UBE2E2: variants seen among roughly 807,000 people sequenced by gnomAD.
The protein encoded by UBE2E2 is ubiquitin-conjugating enzyme E2 E2.
Under a neutral mutation model 24.7 loss-of-function variants are expected in UBE2E2, and 6 were observed. The ratio of observed to expected loss-of-function variants is 0.24; its 90% CI spans 0.13 to 0.48. The LOEUF is 0.48. Among genes scored for constraint, UBE2E2 ranks in the 20% least tolerant of loss-of-function variants. The pLI is 0.99. For missense variants in UBE2E2, 169 were observed against 245.0 expected (o/e 0.69, Z 2.07); for synonymous variants, 104 against 83.6 (o/e 1.24, Z -1.33).
intron 5 of UBE2E2, among the ~76,000 whole-genome samples, chr3:23,552,974 A>G (rs1167332616): frequency 1.3e-5 from 2 of 152,210 alleles, no homozygotes; most frequent in Non-Finnish European, 2.9e-5. Context: ...TGTTAAGAAA[A>G]AAGTATTTTA....
intron 3 of UBE2E2, among the ~76,000 whole-genome samples, chr3:23,313,077 G>T (rs945010855): frequency 6.6e-6 from 1 of 151,944 alleles, no homozygotes; most frequent in Non-Finnish European, 1.5e-5. Flanking sequence ...GCAGCTGTTG[G>T]GTGAAATGTT....
At chr3:23,353,276 A>G (rs918497034) in intron 3 of UBE2E2, among the ~76,000 whole-genome samples, 1 of 152,056 alleles carries the variant, frequency 6.6e-6, no homozygotes, top group Admixed American at 6.6e-5. Context: ...CACAGCCAAT[A>G]TCATACTGAA....
intron 5 of UBE2E2, among the ~76,000 whole-genome samples, chr3:23,584,800 C>T (rs1013709977): frequency 2.7e-5 from 4 of 146,360 alleles, no homozygotes; most frequent in South Asian, 2.2e-4. Flanking sequence ...TCAAACTCCT[C>T]GGCTCAGGCC....
intron 3 of UBE2E2, among the ~76,000 whole-genome samples, chr3:23,376,991 T>G (rs1403445764): frequency 1.3e-5 from 2 of 152,192 alleles, no homozygotes; most frequent in Non-Finnish European, 2.9e-5. Flanking sequence ...TAGCAAACTA[T>G]GTAAGTGTTT....
At chr3:23,355,185 C>T (rs1043766166) in intron 3 of UBE2E2, among the ~76,000 whole-genome samples, 1 of 141,734 alleles carries the variant, frequency 7.1e-6, no homozygotes, top group Non-Finnish European at 1.5e-5. Flanking sequence ...ACAGTGAGAA[C>T]ACATGGACAC....
intron 3 of UBE2E2, among the ~76,000 whole-genome samples, chr3:23,333,332 C>G (rs889680652): frequency 6.6e-6 from 1 of 152,144 alleles, no homozygotes; most frequent in African/African-American, 2.4e-5. Context: ...CTATAAAAGA[C>G]TGAGAGAATA....
chr3:23,497,725 G>T (rs958727405), intron 3 of UBE2E2, among the ~76,000 whole-genome samples: 2 of 152,054 alleles, frequency 1.3e-5, no homozygotes, highest in African/African-American at 4.8e-5. Flanking sequence ...AGGCTAGTGC[G>T]TTGTCAGCGA....
chr3:23,301,227 G>A (rs899386578), intron 3 of UBE2E2, among the ~76,000 whole-genome samples: 5 of 151,790 alleles, frequency 3.3e-5, no homozygotes, highest in Admixed American at 1.3e-4. Context: ...CTATTGTTTC[G>A]TATTTCCTCC....
chr3:23,383,201 G>A (rs1257114948), intron 3 of UBE2E2, among the ~76,000 whole-genome samples: 1 of 152,104 alleles, frequency 6.6e-6, no homozygotes, highest in East Asian at 1.9e-4. Flanking sequence ...GTCCATGTGT[G>A]GATAACACAG....
rs570224202 is a variant in UBE2E2, at chr3:23,210,689, T to C, written c.176+1814T>C. ...AATGTATGTGCAGAGCGCAGCGCAG[T>C]GCCTGATTGGCAGTAAATAGAAAGT... On this transcript the variant is annotated intron_variant, in intron 2 of 5. Coordinates refer to ENST00000396703, the MANE Select transcript of UBE2E2 (RefSeq NM_152653.4). Among the ~76,000 whole-genome samples, 98 of 152,226 alleles carry C rather than the reference T, an allele frequency of 6.4e-4. 1 individual carries two copies. Among genetic ancestry groups the C allele is most frequent in the Non-Finnish European group, 2.1e-4 (14 of 68,030 alleles).
intron 3 of UBE2E2, chr3:23,271,105 G>A (rs1698229354): frequency 4.5e-6 from 2 of 441,370 alleles, no homozygotes; most frequent in East Asian, 7.0e-5. Flanking sequence ...GAAGAGAAAT[G>A]GACCTTGAGT....
chr3:23,373,193 A>C (rs986605985), intron 3 of UBE2E2, among the ~76,000 whole-genome samples: 1 of 152,282 alleles, frequency 6.6e-6, no homozygotes, highest in Non-Finnish European at 1.5e-5. Context: ...CACTACTCTT[A>C]TGAGTGGTCT....
At chr3:23,211,370 T>C (rs1190512495) in intron 2 of UBE2E2, among the ~76,000 whole-genome samples, 1 of 151,874 alleles carries the variant, frequency 6.6e-6, no homozygotes, top group Non-Finnish European at 1.5e-5. Context: ...TACGTTTGAA[T>C]CTAGGTTCTA....
chr3:23,270,907 G>T (rs1397671424), intron 3 of UBE2E2: 1 of 456,280 alleles, frequency 2.2e-6, no homozygotes. Flanking sequence ...TAACATTTAT[G>T]AAATCCTGCT....
intron 5 of UBE2E2, among the ~76,000 whole-genome samples, chr3:23,587,571 A>G (rs1696655694): frequency 6.6e-6 from 1 of 152,062 alleles, no homozygotes; most frequent in Admixed American, 6.5e-5. Context: ...GTTTCACCCT[A>G]CTCTTTGCAT....
intron 5 of UBE2E2, among the ~76,000 whole-genome samples, chr3:23,565,543 C>T (rs923155776): frequency 7.1e-6 from 1 of 140,224 alleles, no homozygotes; most frequent in Non-Finnish European, 1.5e-5. Context: ...GAGGCCAGTG[C>T]AACAGGGCTT....
rs569656781 is a variant in UBE2E2 at position 23,548,312 on chromosome 3, C to G, written c.508+15611C>G. Reference sequence around the variant, plus strand: ...TTTCTTACTCCTCTTTGTCTTGTTCCTATCAGCCCAGGGACTCTGTTGCAT... The same window carrying G: ...TTTCTTACTCCTCTTTGTCTTGTTCGTATCAGCCCAGGGACTCTGTTGCAT... On this transcript the variant is annotated intron_variant, in intron 5 of 5. Transcript: ENST00000396703. Among the ~76,000 whole-genome samples, 6 of 152,262 alleles carry G rather than the reference C, an allele frequency of 3.9e-5. No individual in the cohort carries two copies. In the South Asian group the frequency reaches 1.2e-3, roughly 32 times the overall value.
chr3:23,589,288 C>T lies in UBE2E2; in HGVS notation c.509-446C>T, dbSNP rs1160797407. On this transcript the variant is annotated intron_variant, in intron 5 of 5. Transcript: ENST00000396703. This position sits in a 1 kb window ranked among gnomAD's most constrained non-coding sequence, Gnocchi z 4.1. The stretch of plus-strand genomic sequence containing the variant: ...TTTGAAAATTAGCCAGGTGTTGTTG[C>T]ACACACCTGTGGTCCCAGCTACTCA... Among the ~76,000 whole-genome samples, 2 of 151,912 alleles carry T rather than the reference C, an allele frequency of 1.3e-5. No individual in the cohort carries two copies. The highest frequency in any genetic ancestry group is 2.4e-5 in the African/African-American group (1 of 41,368).
rs369177097 is a variant in UBE2E2, at chr3:23,478,615, GAAGAGAAGCTGGTCTTTACTAA to G, written c.228-20991_228-20970del. Among the ~76,000 whole-genome samples the G allele has an allele frequency of 6.6e-3, 1,008 of 152,286 alleles. 7 individuals are homozygous for G. The highest frequency in any genetic ancestry group is 0.023 in the African/African-American group (967 of 41,556). ...AAAAAGTAATATTTTTCTTCCCGTAGAAGAGAAGCTGGTCTTTACTAAAGTAGCAAATTCAAATCTAGTCTTT... is the reference window on the plus strand; with the variant it reads ...AAAAAGTAATATTTTTCTTCCCGTAGAGTAGCAAATTCAAATCTAGTCTTT... On this transcript the variant is annotated intron_variant, in intron 3 of 5. Transcript: ENST00000396703.
Sources: allele counts gnomAD v4.1 joint callset (sites outside exome capture counted in the v4.1 genomes callset), GRCh38; gene constraint gnomAD v4.1.1; non-coding constraint Gnocchi (gnomAD v3.1); transcripts MANE v1.5; gene names NCBI Gene and HGNC (gene_info 2026-07-23, HGNC 2026-07-21).